The following SPAG17 variants were observed in gnomAD, a reference collection of about 807,000 sequenced individuals.
SPAG17 encodes sperm-associated antigen 17.
In SPAG17, 169 loss-of-function variants were observed where a neutral mutation model predicts 273.6. The observed-to-expected ratio is 0.62, with a 90% CI of 0.55 to 0.70. The LOEUF (loss-of-function observed/expected upper bound fraction) is 0.70, where lower values mean the gene tolerates loss of function less well. SPAG17 is among the 30% of genes least tolerant of loss of function. The pLI, the probability that SPAG17 is intolerant of heterozygous loss-of-function variation, is 0.00. For missense variants in SPAG17, 2,557 were observed against 2,627.8 expected, an observed-to-expected ratio of 0.97 and a Z score of 0.59; for synonymous variants, 825 against 873.2, an observed-to-expected ratio of 0.94 and a Z score of 0.97.
intron 4 of SPAG17, among the ~76,000 whole-genome samples, chr1:118,104,588 T>C (rs1247258519): frequency 6.6e-6 from 1 of 152,188 alleles, no homozygotes; most frequent in Non-Finnish European, 1.5e-5. Context: ...TCCGAGATCA[T>C]GCTAGAGACT....
intron 30 of SPAG17, among the ~76,000 whole-genome samples, chr1:118,009,924 A>G (rs1177454821): frequency 6.6e-6 from 1 of 152,162 alleles, no homozygotes; most frequent in Non-Finnish European, 1.5e-5. Context: ...GTTAAAAAAA[A>G]AGAAATCTGT....
In SPAG17 at chr1:118,062,143, G is replaced by A. The variant is rs531648543; in HGVS notation, c.2540+4602C>T. 2.4e-3 allele frequency among the ~76,000 whole-genome samples: 365 copies of A among 151,982 alleles called. 1 individual carries two copies. Among genetic ancestry groups the A allele is most frequent in the Middle Eastern group, 6.8e-3 (2 of 294 alleles). On this transcript the variant is annotated intron_variant, in intron 18 of 48. Transcript: ENST00000336338. ...AGCACTTTGGGAGGCCGAGGCGGGC[G>A]GATCACGAGGTCAGGAGATCGAGAC...
intron 28 of SPAG17, among the ~76,000 whole-genome samples, chr1:118,018,601 GGTA>G (rs1660190702): frequency 6.6e-6 from 1 of 151,870 alleles, no homozygotes; most frequent in African/African-American, 2.4e-5. Context: ...GGGAGGCCAA[GGTA>G]GGAGGATTGC....
At chr1:118,014,673 T>C (rs1414042651) in intron 29 of SPAG17, among the ~76,000 whole-genome samples, 1 of 152,210 alleles carries the variant, frequency 6.6e-6, no homozygotes, top group African/African-American at 2.4e-5. Flanking sequence ...ATTTTGCTTT[T>C]TACAGCAGCA....
intron 43 of SPAG17, among the ~76,000 whole-genome samples, chr1:117,979,267 A>G (rs1305255825): frequency 6.6e-6 from 1 of 152,140 alleles, no homozygotes; most frequent in South Asian, 2.1e-4. Context: ...GCATAAACCT[A>G]TATCAGCAAC....
At chr1:118,044,757 A>C (rs1650164719) in intron 20 of SPAG17, among the ~76,000 whole-genome samples, 1 of 152,036 alleles carries the variant, frequency 6.6e-6, no homozygotes, top group Non-Finnish European at 1.5e-5. Context: ...CTGGTTGTTT[A>C]AAAGTGTGCA....
At chr1:118,082,783 A>G (rs1654686326) in intron 13 of SPAG17, among the ~76,000 whole-genome samples, 1 of 152,222 alleles carries the variant, frequency 6.6e-6, no homozygotes, top group Non-Finnish European at 1.5e-5. Context: ...CTGAACAATT[A>G]AGCAAAAATG....
chr1:118,025,217 T>G, intron 27 of SPAG17, 21 bp downstream of exon 27: 1 of 1,611,450 alleles, frequency 6.2e-7, no homozygotes, highest in Non-Finnish European at 8.5e-7. Context: ...GAAGAATAAT[T>G]TCTCTAACAC....
intron 18 of SPAG17, among the ~76,000 whole-genome samples, chr1:118,056,723 TTTTC>T (rs1424968881): frequency 6.6e-6 from 1 of 152,192 alleles, no homozygotes; most frequent in Non-Finnish European, 1.5e-5. Context: ...TGTTTAATAG[TTTTC>T]TTTAATTCTT....
chr1:118,182,827 A>G (rs905579309), intron 1 of SPAG17, among the ~76,000 whole-genome samples: 4 of 152,214 alleles, frequency 2.6e-5, no homozygotes, highest in South Asian at 2.1e-4. Context: ...TTTCCTGACT[A>G]TCCCAGCCCA....
intron 10 of SPAG17, 61 bp from the exon 11 acceptor site, chr1:118,087,069 G>C: frequency 6.7e-7 from 1 of 1,492,016 alleles, no homozygotes; most frequent in South Asian, 1.4e-5. Context: ...GATACTCACT[G>C]CTCATTGCTG....
chr1:118,056,252 G>A (rs1004268253), intron 18 of SPAG17, among the ~76,000 whole-genome samples: 1 of 152,172 alleles, frequency 6.6e-6, no homozygotes, highest in South Asian at 2.1e-4. Flanking sequence ...ACAGTTTGAA[G>A]AGATGATCAC....
chr1:118,073,214 T>G (rs1653773186), intron 17 of SPAG17, among the ~76,000 whole-genome samples: 1 of 152,208 alleles, frequency 6.6e-6, no homozygotes, highest in Non-Finnish European at 1.5e-5. Flanking sequence ...GCTGAGTGGT[T>G]AAGAGTACAA....
At chr1:117,990,790 G>T in intron 38 of SPAG17, 71 bp downstream of exon 38, 1 of 968,906 alleles carries the variant, frequency 1.0e-6, no homozygotes, top group Non-Finnish European at 1.6e-6. Flanking sequence ...GAGAATGACC[G>T]ATAAGTGTAT....
intron 28 of SPAG17, among the ~76,000 whole-genome samples, chr1:118,022,882 A>AC (rs1250453262): frequency 6.6e-6 from 1 of 152,086 alleles, no homozygotes; most frequent in East Asian, 1.9e-4. Flanking sequence ...AAGCTCTTGC[A>AC]TTTATTTGCC....
intron 12 of SPAG17, 141 bp from the exon 13 acceptor site, chr1:118,086,213 T>C: frequency 2.5e-6 from 2 of 810,778 alleles, no homozygotes; most frequent in South Asian, 3.8e-5. Context: ...AAAGACAAAC[T>C]TTTGGGATTT....
Position 117,981,198 on chromosome 1 carries a change from G to A in SPAG17, c.6004+72C>T, listed in dbSNP as rs376011187. 106 of 1,450,704 alleles carry A rather than the reference G, an allele frequency of 7.3e-5. No individual in the cohort carries two copies. In the East Asian group the frequency reaches 1.1e-3, roughly 15 times the overall value. The allele number at this position is 1,450,704 out of a possible 1,614,324, so 89.9% of individuals were successfully genotyped here. A position where few individuals can be genotyped will look rare whatever the true frequency, so the allele number is the denominator to read the frequency against. ...GTAACTCTCAACCTCGCCTCCTAGCGCCATCTCCCATATGCCAAAAAGACA... is the reference window on the plus strand; with the variant it reads ...GTAACTCTCAACCTCGCCTCCTAGCACCATCTCCCATATGCCAAAAAGACA... On this transcript the variant is annotated intron_variant, in intron 43 of 48. Transcript: ENST00000336338.
chr1:118,138,472 T>A (rs1304806421), intron 3 of SPAG17, among the ~76,000 whole-genome samples: 1 of 152,302 alleles, frequency 6.6e-6, no homozygotes, highest in Non-Finnish European at 1.5e-5. Context: ...GCAGTGTTTT[T>A]TCAAAAATGT....
chr1:118,146,847 C>T (rs1357917946), intron 3 of SPAG17, among the ~76,000 whole-genome samples: 1 of 152,052 alleles, frequency 6.6e-6, no homozygotes, highest in Non-Finnish European at 1.5e-5. Context: ...TTTATCTTTC[C>T]TTTTAGAATT....
Sources: allele counts gnomAD v4.1 joint callset (sites outside exome capture counted in the v4.1 genomes callset), GRCh38; gene constraint gnomAD v4.1.1; transcripts MANE v1.5; gene names NCBI Gene and HGNC (gene_info 2026-07-23, HGNC 2026-07-21).